The following FLT1 variants were observed in gnomAD, a reference collection of about 807,000 sequenced individuals.
The protein encoded by FLT1 is vascular endothelial growth factor receptor 1.
A neutral mutation model predicts 156.3 loss-of-function variants in FLT1; 49 were observed. That is an observed-to-expected ratio of 0.31 (90% confidence interval 0.25 to 0.40). FLT1 has a LOEUF of 0.40. FLT1 is among the 10% of genes least tolerant of loss of function. The pLI is 1.00. For missense variants in FLT1, 1,322 were observed against 1,637.2 expected (o/e 0.81, Z 3.32); for synonymous variants, 594 against 583.8 (o/e 1.02, Z -0.25).
intron 14 of FLT1, among the ~76,000 whole-genome samples, chr13:28,378,839 C>T (rs1055045339): frequency 6.6e-6 from 1 of 152,154 alleles, no homozygotes; most frequent in Non-Finnish European, 1.5e-5. Context: ...ACACTTAACA[C>T]GGTGCCTTGG....
intron 10 of FLT1, among the ~76,000 whole-genome samples, chr13:28,423,773 T>C (rs1407807310): frequency 6.6e-6 from 1 of 152,262 alleles, no homozygotes; most frequent in Admixed American, 6.5e-5. Context: ...TATGATGCTC[T>C]CTGGCTTTTT....
rs763071731 is a variant in FLT1, at chr13:28,430,095, C to T, written c.1061G>A (p.Arg354Gln). The T allele has an allele frequency of 1.1e-5, 17 of 1,613,638 alleles. No homozygotes were observed. The highest frequency in any genetic ancestry group is 3.3e-5 in the South Asian group (3 of 91,080). Residue 354 changes from arginine to glutamine, a missense_variant, in exon 8 of 30, where the codon CGG (arginine) becomes CAG (glutamine). This residue lies in a region of FLT1 where 991 missense variants were observed against 1,254.8 expected (regional missense o/e 0.79). Coordinates refer to ENST00000282397, the MANE Select transcript of FLT1 (RefSeq NM_002019.4). ...AAATGCCTTCACTTTCATAGAGAGC[C>T]GGTAAGACCGCTTGCCAGCTACGGT... ...LETVAGKRSY[R>Q]LSMKVKAFPS...
At chr13:28,312,149 T>C (rs1291163238) in intron 25 of FLT1, 51 bp from the exon 26 acceptor site, 6 of 1,126,688 alleles carry the variant, frequency 5.3e-6, no homozygotes, top group Non-Finnish European at 8.1e-6. Context: ...GATCATCCTA[T>C]GCATTGCCTT....
intron 10 of FLT1, among the ~76,000 whole-genome samples, chr13:28,426,688 A>T (rs1416730154): frequency 6.6e-6 from 1 of 152,212 alleles, no homozygotes; most frequent in Non-Finnish European, 1.5e-5. Flanking sequence ...CAATGGGTGG[A>T]GGTGCATTTC....
At chr13:28,380,479 T>C (rs913016035) in intron 14 of FLT1, among the ~76,000 whole-genome samples, 16 of 152,154 alleles carry the variant, frequency 1.1e-4, no homozygotes, top group Admixed American at 5.2e-4. Context: ...CTAAAGGCTA[T>C]AGTGGTTTTA....
chr13:28,311,364 C>A (rs1870992031), intron 27 of FLT1, among the ~76,000 whole-genome samples: 1 of 152,188 alleles, frequency 6.6e-6, no homozygotes, highest in African/African-American at 2.4e-5. Flanking sequence ...CCGTAACAAA[C>A]ACAATCATAG....
chr13:28,386,192 T>C (rs1431608437), intron 13 of FLT1: 4 of 1,054,412 alleles, frequency 3.8e-6, no homozygotes, highest in East Asian at 5.3e-5. Flanking sequence ...TACATTGCAA[T>C]GGCCTTAATT....
chr13:28,402,838 G>A (rs557312624), intron 11 of FLT1, among the ~76,000 whole-genome samples: 2 of 152,218 alleles, frequency 1.3e-5, no homozygotes, highest in East Asian at 3.9e-4. Context: ...CACCCAGGCT[G>A]GAGTGCAGTG....
intron 6 of FLT1, among the ~76,000 whole-genome samples, chr13:28,432,825 G>C (rs1877777429): frequency 1.3e-5 from 2 of 152,200 alleles, no homozygotes; most frequent in South Asian, 4.1e-4. Flanking sequence ...CACTTACGGA[G>C]AATATTTGAT....
At chr13:28,430,226 T>G (rs1159217742) in intron 7 of FLT1, 59 bp from the exon 8 acceptor site, 1 of 1,212,424 alleles carries the variant, frequency 8.2e-7, no homozygotes, top group Non-Finnish European at 1.2e-6. Context: ...AACAAAACCT[T>G]AGGGCCTCAT....
intron 14 of FLT1, among the ~76,000 whole-genome samples, chr13:28,381,491 G>C (rs1211905773): frequency 6.6e-6 from 1 of 152,160 alleles, no homozygotes; most frequent in African/African-American, 2.4e-5. Flanking sequence ...CACAGGAGAT[G>C]GAGGTTGCAG....
intron 12 of FLT1, among the ~76,000 whole-genome samples, chr13:28,394,357 T>A (rs1479461802): frequency 2.0e-5 from 3 of 152,186 alleles, no homozygotes; most frequent in African/African-American, 7.2e-5. Flanking sequence ...ATTCTCATTT[T>A]GTATGGATAA....
chr13:28,408,229 G>A (rs1034670553), intron 10 of FLT1, among the ~76,000 whole-genome samples: 1 of 152,198 alleles, frequency 6.6e-6, no homozygotes, highest in Non-Finnish European at 1.5e-5. Flanking sequence ...AAGCCTGGGT[G>A]TTTCTCAAGG....
chr13:28,412,389 T>TTTCCTTCC lies in FLT1; in HGVS notation c.1437-6496_1437-6495insGGAAGGAA, dbSNP rs1299227374. 1.4e-3 allele frequency among the ~76,000 whole-genome samples: 193 copies of TTTCCTTCC among 139,224 alleles called. 11 individuals carry two copies. The highest frequency in any genetic ancestry group is 2.6e-3 in the Non-Finnish European group (163 of 63,668). The allele number at this position is 139,224 out of a possible 152,430, so 91.3% of individuals were successfully genotyped here. On this transcript the variant is annotated intron_variant, in intron 10 of 29. Coordinates refer to ENST00000282397, the MANE Select transcript of FLT1 (RefSeq NM_002019.4). ...CTTTCTTTCTTTCTTTCTTTCTTTC[T>TTTCCTTCC]TTCTTTCTTTCTTTCTTTCTTCTCT...
chr13:28,353,689 T>C (rs1480318616), intron 15 of FLT1, among the ~76,000 whole-genome samples: 1 of 152,178 alleles, frequency 6.6e-6, no homozygotes. Context: ...GTTCCAGGGC[T>C]ACTGAGCGCT....
intron 15 of FLT1, chr13:28,345,891 G>C: frequency 4.5e-6 from 1 of 223,798 alleles, no homozygotes; most frequent in South Asian, 7.9e-5. Context: ...ATTAAGGCAG[G>C]AACAAAAGCC....
chr13:28,332,089 G>T (rs1441993425), intron 18 of FLT1, among the ~76,000 whole-genome samples: 1 of 152,136 alleles, frequency 6.6e-6, no homozygotes, highest in Non-Finnish European at 1.5e-5. Context: ...TTAGCTAGGT[G>T]TGATGGTGTG....
chr13:28,351,530 T>C (rs1040405337), intron 15 of FLT1, among the ~76,000 whole-genome samples: 4 of 152,224 alleles, frequency 2.6e-5, no homozygotes, highest in Non-Finnish European at 5.9e-5. Flanking sequence ...CTAGAGCCTA[T>C]TGAAATGTTA....
At chr13:28,314,021 A>G (rs181357975) in intron 25 of FLT1, among the ~76,000 whole-genome samples, 47 of 152,230 alleles carry the variant, frequency 3.1e-4, no homozygotes, top group African/African-American at 1.1e-3. Context: ...ACATAGTGAG[A>G]CTTTATCTCC....
Sources: allele counts gnomAD v4.1 joint callset (sites outside exome capture counted in the v4.1 genomes callset), GRCh38; gene constraint gnomAD v4.1.1; regional missense constraint gnomAD v4.1.1; transcripts MANE v1.5; gene names NCBI Gene and HGNC (gene_info 2026-07-23, HGNC 2026-07-21).